Variants in IKZF1 observed in about 807,000 individuals in gnomAD.
IKZF1 encodes IKAROS family zinc finger 1, also known as DNA-binding protein Ikaros.
A neutral mutation model predicts 51.7 loss-of-function variants in IKZF1; 10 were observed. The observed-to-expected ratio is 0.19, with a 90% confidence interval of 0.12 to 0.33. The LOEUF is 0.33. Among genes scored for constraint, IKZF1 ranks in the 10% least tolerant of loss-of-function variants. The pLI, the probability that IKZF1 is intolerant of heterozygous loss-of-function variation, is 1.00. For synonymous variants in IKZF1, 280 were observed against 282.3 expected, an observed-to-expected ratio of 0.99 and a Z score of 0.08; for missense variants, 484 against 707.5, an observed-to-expected ratio of 0.68 and a Z score of 3.58.
chr7:50,326,858 A>G (rs572989537), intron 2 of IKZF1, among the ~76,000 whole-genome samples: 1 of 152,326 alleles, frequency 6.6e-6, no homozygotes, highest in Non-Finnish European at 1.5e-5. Flanking sequence ...TTCCCCACTA[A>G]GTTAAGTCAA....
chr7:50,350,001 T>C (rs1801415930), intron 3 of IKZF1, among the ~76,000 whole-genome samples: 1 of 152,218 alleles, frequency 6.6e-6, no homozygotes, highest in African/African-American at 2.4e-5. Flanking sequence ...TAAGAAGCTC[T>C]GAGAAACACA....
intron 3 of IKZF1, among the ~76,000 whole-genome samples, chr7:50,353,332 G>A (rs552663099): frequency 8.5e-5 from 13 of 152,304 alleles, no homozygotes; most frequent in African/African-American, 3.1e-4. Context: ...TTGCCATGAT[G>A]AGCAGTTTCA....
intron 1 of IKZF1, among the ~76,000 whole-genome samples, chr7:50,306,501 C>T (rs942295364): frequency 1.3e-5 from 2 of 152,130 alleles, no homozygotes; most frequent in African/African-American, 2.4e-5. Context: ...ACTACACACC[C>T]CCCTAATGCA....
chr7:50,372,961 G>A (rs1809151812), intron 3 of IKZF1, among the ~76,000 whole-genome samples: 1 of 152,260 alleles, frequency 6.6e-6, no homozygotes. Context: ...GAGCCAGAGT[G>A]TTTGTGTCCC....
intron 3 of IKZF1, among the ~76,000 whole-genome samples, chr7:50,347,075 C>A (rs1033042623): frequency 6.6e-6 from 1 of 152,164 alleles, no homozygotes; most frequent in Non-Finnish European, 1.5e-5. Context: ...TAGGATCTGG[C>A]AATTATCGTT....
intron 1 of IKZF1, among the ~76,000 whole-genome samples, chr7:50,309,994 T>C (rs2153334145): frequency 6.6e-6 from 1 of 152,302 alleles, no homozygotes. Flanking sequence ...TCCTCCTCCT[T>C]TGTGCTGAGT....
chr7:50,332,224 A>G (rs1796581583), intron 3 of IKZF1, among the ~76,000 whole-genome samples: 1 of 152,218 alleles, frequency 6.6e-6, no homozygotes, highest in African/African-American at 2.4e-5. Flanking sequence ...TGGAGAGCAG[A>G]TAAGTGTTTT....
intron 2 of IKZF1, among the ~76,000 whole-genome samples, chr7:50,321,408 G>A (rs1266797052): frequency 6.6e-6 from 1 of 152,232 alleles, no homozygotes; most frequent in African/African-American, 2.4e-5. Context: ...GGTAGATGAG[G>A]ACTGTAATCC....
At chr7:50,342,932 G>A (rs946450781) in intron 3 of IKZF1, among the ~76,000 whole-genome samples, 80 of 152,278 alleles carry the variant, frequency 5.3e-4, no homozygotes, top group African/African-American at 1.8e-3. Flanking sequence ...GATTCGTCAT[G>A]GAAGCTTTGA....
At chr7:50,325,271 C>A (rs1210653625) in intron 2 of IKZF1, among the ~76,000 whole-genome samples, 8 of 128,220 alleles carry the variant, frequency 6.2e-5, no homozygotes, top group African/African-American at 2.4e-4. Flanking sequence ...CAACCCCCCG[C>A]TGCCACCAAA....
intron 3 of IKZF1, chr7:50,368,821 C>T (rs1807792351): frequency 4.5e-6 from 1 of 224,378 alleles, no homozygotes; most frequent in South Asian, 1.8e-4. Context: ...TTAGTAAATC[C>T]TCTAATACTA....
chr7:50,340,362 C>T (rs1173237870), intron 3 of IKZF1, among the ~76,000 whole-genome samples: 6 of 152,194 alleles, frequency 3.9e-5, no homozygotes, highest in African/African-American at 1.2e-4. Context: ...TGCAGGCTGT[C>T]GATTTCCACT....
intron 3 of IKZF1, among the ~76,000 whole-genome samples, chr7:50,370,890 T>A (rs1175875446): frequency 6.6e-6 from 1 of 152,170 alleles, no homozygotes; most frequent in Non-Finnish European, 1.5e-5. Context: ...TTCAGGGAGA[T>A]GTACCATTTC....
intron 3 of IKZF1, among the ~76,000 whole-genome samples, chr7:50,347,741 T>A (rs1185447153): frequency 6.6e-6 from 1 of 152,238 alleles, no homozygotes; most frequent in East Asian, 1.9e-4. Flanking sequence ...AGTTTACATG[T>A]TTGACGCGTG....
intron 6 of IKZF1, 122 bp downstream of exon 6, chr7:50,387,592 AG>A: frequency 7.3e-7 from 1 of 1,376,004 alleles, no homozygotes; most frequent in South Asian, 1.8e-5. Flanking sequence ...CGGGGCTAGG[AG>A]GGAGGGAAGT....
At chr7:50,347,803 A>G (rs1160810706) in intron 3 of IKZF1, among the ~76,000 whole-genome samples, 1 of 152,228 alleles carries the variant, frequency 6.6e-6, no homozygotes, top group South Asian at 2.1e-4. Flanking sequence ...ATCGATACGG[A>G]AAGATTTCTT....
intron 2 of IKZF1, among the ~76,000 whole-genome samples, chr7:50,320,188 T>A (rs1056908451): frequency 6.6e-6 from 1 of 152,242 alleles, no homozygotes; most frequent in Non-Finnish European, 1.5e-5. Context: ...TGCCACATTC[T>A]TTGTGTAATT....
chr7:50,351,595 T>C (rs759875467), intron 3 of IKZF1, among the ~76,000 whole-genome samples: 53 of 152,250 alleles, frequency 3.5e-4, no homozygotes, highest in Non-Finnish European at 6.9e-4. Context: ...TGTTCATGTA[T>C]GAAATCATTC....
intron 2 of IKZF1, among the ~76,000 whole-genome samples, chr7:50,325,555 C>T (rs999206398): frequency 2.0e-5 from 3 of 152,116 alleles, no homozygotes; most frequent in South Asian, 4.1e-4. Context: ...AGGCAGATCA[C>T]GAGGTCAGGA....
Sources: gnomAD v4.1 joint callset for allele counts (sites outside exome capture counted in the v4.1 genomes callset) on GRCh38, gnomAD v4.1.1 for gene constraint, MANE v1.5 for transcripts, NCBI Gene and HGNC (gene_info 2026-07-23, HGNC 2026-07-21) for gene names.